The following MAGI2 variants were observed in gnomAD, a reference collection of about 807,000 sequenced individuals.
MAGI2 encodes the protein membrane associated guanylate kinase, WW and PDZ domain containing 2.
Under a neutral mutation model 133.3 loss-of-function variants are expected in MAGI2, and 35 were observed. The ratio of observed to expected loss-of-function variants is 0.26; its 90% CI spans 0.20 to 0.35. The LOEUF (loss-of-function observed/expected upper bound fraction) is 0.35, where lower values mean the gene tolerates loss of function less well. Among genes scored for constraint, MAGI2 ranks in the 10% least tolerant of loss-of-function variants. The pLI is 1.00. For missense variants in MAGI2, 1,636 were observed against 1,863.4 expected (o/e 0.88, Z 2.25); for synonymous variants, 729 against 710.6 (o/e 1.03, Z -0.41).
intron 9 of MAGI2, among the ~76,000 whole-genome samples, chr7:78,284,793 T>G (rs541237338): frequency 6.6e-6 from 1 of 152,198 alleles, no homozygotes; most frequent in East Asian, 1.9e-4. Context: ...CAAAGGGACC[T>G]TGATTATATG....
At position 78,529,668 on chromosome 7, in the gene MAGI2, GTTTTTTTTTT is replaced by G. The variant is rs554010061; in HGVS notation, c.539-8033_539-8024del. ...TTTCTTTTCCTTGCTAAAGGAGATG[GTTTTTTTTTT>G]TTTTTTTTTTTTTTTTTTTTTTGGG... On this transcript the variant is annotated intron_variant, in intron 3 of 21. Transcript: ENST00000354212. 7.5e-4 allele frequency among the ~76,000 whole-genome samples: 43 copies of G among 57,428 alleles called. 1 individual carries two copies. The highest frequency in any genetic ancestry group is 1.5e-3 in the African/African-American group (28 of 18,090). 37.7% of individuals were successfully genotyped at this position (57,428 alleles called of 152,430 possible).
At chr7:78,953,092 G>A (rs1802005227) in intron 2 of MAGI2, among the ~76,000 whole-genome samples, 2 of 152,150 alleles carry the variant, frequency 1.3e-5, no homozygotes, top group South Asian at 4.1e-4. Flanking sequence ...CTCTGGAGTA[G>A]CCTGACAGTT....
intron 1 of MAGI2, among the ~76,000 whole-genome samples, chr7:79,373,259 C>T (rs1292366139): frequency 6.6e-6 from 1 of 151,750 alleles, no homozygotes; most frequent in East Asian, 1.9e-4. Context: ...TTTACATGTA[C>T]ATATTTAATC....
At chr7:79,400,599 T>A (rs1237325131) in intron 1 of MAGI2, among the ~76,000 whole-genome samples, 2 of 152,168 alleles carry the variant, frequency 1.3e-5, no homozygotes, top group Non-Finnish European at 2.9e-5. Flanking sequence ...ATTCCTTAAC[T>A]GATTTTCAGA....
At chr7:78,066,920 C>T (rs3807759) in intron 21 of MAGI2, among the ~76,000 whole-genome samples, 42,827 of 152,136 alleles carry the variant, frequency 0.28, 6,507 homozygotes, top group East Asian at 0.47. Flanking sequence ...CCAACTTGCT[C>T]CACACGTGGT....
chr7:78,109,172 C>T (rs1158712817), intron 20 of MAGI2, among the ~76,000 whole-genome samples: 4 of 150,256 alleles, frequency 2.7e-5, no homozygotes, highest in African/African-American at 7.4e-5. Context: ...GGCGTGGTGG[C>T]GGGCGCCTGT....
intron 1 of MAGI2, among the ~76,000 whole-genome samples, chr7:79,323,796 A>T (rs1451724159): frequency 6.6e-6 from 1 of 152,158 alleles, no homozygotes; most frequent in Non-Finnish European, 1.5e-5. Flanking sequence ...CAGACAGCTC[A>T]AAGGTGTATA....
At chr7:78,391,663 T>C (rs1344646309) in intron 6 of MAGI2, among the ~76,000 whole-genome samples, 1 of 152,230 alleles carries the variant, frequency 6.6e-6, no homozygotes, top group African/African-American at 2.4e-5. Flanking sequence ...CTTAAGTGAG[T>C]TCAAATTCCT....
At chr7:79,271,378 G>A (rs1834862787) in intron 1 of MAGI2, among the ~76,000 whole-genome samples, 1 of 152,016 alleles carries the variant, frequency 6.6e-6, no homozygotes, top group Non-Finnish European at 1.5e-5. Context: ...AACTCCATTA[G>A]TACATCATTT....
intron 6 of MAGI2, among the ~76,000 whole-genome samples, chr7:78,405,904 A>G (rs148388614): frequency 0.013 from 1,339 of 99,852 alleles, 18 homozygotes; most frequent in Non-Finnish European, 0.018. Context: ...TGCCTAGAAA[A>G]TATACATTTT....
Position 78,708,125 on chromosome 7 carries a change from A to G in MAGI2, c.419-80886T>C, listed in dbSNP as rs184228828. On this transcript the variant is annotated intron_variant, in intron 2 of 21. Coordinates refer to ENST00000354212, the MANE Select transcript of MAGI2 (RefSeq NM_012301.4). ...GATTTTCCACTGATGGGGACTGACA[A>G]GGCTTAAAGTTGATAATTCAGTTCT... Among the ~76,000 whole-genome samples the G allele has an allele frequency of 5.4e-3, 829 of 152,242 alleles. 37 individuals are homozygous for G. Among genetic ancestry groups the G allele is most frequent in the Admixed American group, 0.049 (756 of 15,280 alleles).
intron 2 of MAGI2, among the ~76,000 whole-genome samples, chr7:78,998,938 C>A (rs1446594386): frequency 3.3e-5 from 5 of 152,076 alleles, no homozygotes; most frequent in Admixed American, 3.3e-4. Context: ...GATTTTGGAG[C>A]CTGCAGGGAG....
chr7:79,407,750 C>T (rs929185900), intron 1 of MAGI2, among the ~76,000 whole-genome samples: 1 of 151,818 alleles, frequency 6.6e-6, no homozygotes, highest in Non-Finnish European at 1.5e-5. Context: ...TTCAAATAGA[C>T]CTAAAATCCA....
chr7:78,566,380 T>C (rs534771481), intron 3 of MAGI2, among the ~76,000 whole-genome samples: 56 of 151,438 alleles, frequency 3.7e-4, no homozygotes, highest in African/African-American at 1.3e-3. Flanking sequence ...GAGGTGAGAA[T>C]GGCGGTTGGA....
intron 2 of MAGI2, among the ~76,000 whole-genome samples, chr7:78,940,231 G>A (rs1018822721): frequency 6.6e-6 from 1 of 152,114 alleles, no homozygotes; most frequent in Non-Finnish European, 1.5e-5. Context: ...ATTACAATTT[G>A]TGTAGAATTT....
chr7:79,204,159 C>G (rs1159898782), intron 1 of MAGI2, among the ~76,000 whole-genome samples: 3 of 152,052 alleles, frequency 2.0e-5, no homozygotes, highest in Non-Finnish European at 2.9e-5. Flanking sequence ...AAGTAAAACC[C>G]AGCACTAGGT....
intron 2 of MAGI2, among the ~76,000 whole-genome samples, chr7:78,876,933 T>C (rs941796449): frequency 2.0e-5 from 3 of 150,344 alleles, no homozygotes; most frequent in Non-Finnish European, 4.5e-5. Context: ...TATTTTATAC[T>C]GTGGGTTATA....
At chr7:78,437,858 C>T (rs1399666333) in intron 6 of MAGI2, among the ~76,000 whole-genome samples, 1 of 152,062 alleles carries the variant, frequency 6.6e-6, no homozygotes, top group African/African-American at 2.4e-5. Flanking sequence ...CCAAATATAA[C>T]CTTTAGAATA....
chr7:79,446,846 GGAGGCT>G (rs1409609338), intron 1 of MAGI2, among the ~76,000 whole-genome samples: 1 of 152,272 alleles, frequency 6.6e-6, no homozygotes, highest in East Asian at 1.9e-4. Flanking sequence ...CAGCTACTCA[GGAGGCT>G]GAGGCAGGAG....
Sources: gnomAD v4.1 joint callset for allele counts (sites outside exome capture counted in the v4.1 genomes callset) on GRCh38, gnomAD v4.1.1 for gene constraint, MANE v1.5 for transcripts, NCBI Gene and HGNC (gene_info 2026-07-23, HGNC 2026-07-21) for gene names.